MCC: variants seen among roughly 807,000 people sequenced by gnomAD.
MCC encodes MCC regulator of Wnt signaling pathway.
In MCC, 90 loss-of-function variants were observed where a neutral mutation model predicts 116.2. The observed-to-expected ratio is 0.77, with a 90% CI of 0.65 to 0.92. The LOEUF (loss-of-function observed/expected upper bound fraction) is 0.92. Ranked by LOEUF, MCC falls within the 40% of genes least tolerant of loss-of-function variation. The pLI is 0.00. For missense variants in MCC, 1,516 were observed against 1,312.2 expected (o/e 1.16, Z -2.40); for synonymous variants, 578 against 510.5 (o/e 1.13, Z -1.78).
chr5:113,404,990 T>C (rs1580337542), intron 1 of MCC, among the ~76,000 whole-genome samples: 1 of 152,206 alleles, frequency 6.6e-6, no homozygotes, highest in Non-Finnish European at 1.5e-5. Flanking sequence ...AGGACAGAGA[T>C]GGGACAGAAG....
intron 2 of MCC, among the ~76,000 whole-genome samples, chr5:113,367,054 A>G (rs191733675): frequency 2.8e-4 from 43 of 151,534 alleles, no homozygotes; most frequent in African/African-American, 1.0e-3. Context: ...TCACTCCTCA[A>G]CCTCCCAAAG....
At chr5:113,459,460 C>T (rs1187013806) in intron 1 of MCC, among the ~76,000 whole-genome samples, 1 of 151,824 alleles carries the variant, frequency 6.6e-6, no homozygotes, top group African/African-American at 2.4e-5. Flanking sequence ...ATGGCATGAA[C>T]CCAGGAGGTA....
At chr5:113,409,036 A>T (rs1360467537) in intron 1 of MCC, among the ~76,000 whole-genome samples, 1 of 152,220 alleles carries the variant, frequency 6.6e-6, no homozygotes, top group Non-Finnish European at 1.5e-5. Context: ...GCTAAAGAGT[A>T]ATAAATGCCA....
At chr5:113,059,453 T>G (rs1753064775) in intron 14 of MCC, among the ~76,000 whole-genome samples, 1 of 152,238 alleles carries the variant, frequency 6.6e-6, no homozygotes, top group African/African-American at 2.4e-5. Context: ...GGCCTGCTGC[T>G]GGCTGCTGGG....
At chr5:113,261,662 G>T (rs1352554505) in intron 3 of MCC, among the ~76,000 whole-genome samples, 1 of 152,104 alleles carries the variant, frequency 6.6e-6, no homozygotes, top group Non-Finnish European at 1.5e-5. Context: ...TAAGCATTCA[G>T]TTTAACTGAC....
intron 3 of MCC, among the ~76,000 whole-genome samples, chr5:113,165,602 AAG>A (rs1167463596): frequency 6.6e-6 from 1 of 152,134 alleles, no homozygotes; most frequent in African/African-American, 2.4e-5. Flanking sequence ...ACACCCTTGA[AAG>A]AGAAAGCAGC....
chr5:113,308,729 T>C (rs561295020), intron 3 of MCC, among the ~76,000 whole-genome samples: 4 of 151,802 alleles, frequency 2.6e-5, no homozygotes, highest in Non-Finnish European at 4.4e-5. Flanking sequence ...GAGGATTGCT[T>C]GAGTCCAAGG....
chr5:113,323,384 C>T (rs1232166073), intron 3 of MCC: 6 of 152,220 alleles, frequency 3.9e-5, no homozygotes, highest in African/African-American at 1.2e-4. Flanking sequence ...GAGAACACAC[C>T]TACTTAAACA....
intron 3 of MCC, among the ~76,000 whole-genome samples, chr5:113,248,683 G>C (rs139038626): frequency 6.6e-6 from 1 of 152,258 alleles, no homozygotes; most frequent in East Asian, 1.9e-4. Context: ...TCACCAAGAA[G>C]GGTCTTGAAT....
At chr5:113,121,012 T>C (rs879635511) in intron 6 of MCC, among the ~76,000 whole-genome samples, 36 of 152,248 alleles carry the variant, frequency 2.4e-4, no homozygotes, top group Non-Finnish European at 3.1e-4. Flanking sequence ...TGTGCCCTAT[T>C]GGCGAATGGC....
At chr5:113,219,864 T>A in intron 3 of MCC, among the ~76,000 whole-genome samples, 1 of 151,928 alleles carries the variant, frequency 6.6e-6, no homozygotes, top group Admixed American at 6.6e-5. Context: ...CCTATGCCAT[T>A]TTCTACTGTA....
At chr5:113,468,708 G>A (rs1426932131) in intron 1 of MCC, among the ~76,000 whole-genome samples, 1 of 152,196 alleles carries the variant, frequency 6.6e-6, no homozygotes, top group Non-Finnish European at 1.5e-5. Flanking sequence ...AAATGAGTTA[G>A]GGAGGATTCC....
At chr5:113,088,348 C>A (rs1755350786) in intron 8 of MCC, among the ~76,000 whole-genome samples, 1 of 151,858 alleles carries the variant, frequency 6.6e-6, no homozygotes, top group African/African-American at 2.4e-5. Flanking sequence ...CGGAAAGAGG[C>A]AGAAACATAG....
intron 3 of MCC, chr5:113,269,281 C>A: frequency 1.2e-6 from 1 of 863,744 alleles, no homozygotes; most frequent in Non-Finnish European, 1.4e-6. Context: ...CTGCAGGGAA[C>A]CAGAGGCCAA....
At chr5:113,148,845 A>G (rs1040047389) in intron 4 of MCC, among the ~76,000 whole-genome samples, 4 of 152,230 alleles carry the variant, frequency 2.6e-5, no homozygotes, top group African/African-American at 7.2e-5. Flanking sequence ...AAGAGAGTCA[A>G]TAAATGGTTC....
intron 3 of MCC, among the ~76,000 whole-genome samples, chr5:113,244,023 G>A (rs373045655): frequency 1.2e-4 from 18 of 152,178 alleles, no homozygotes; most frequent in African/African-American, 3.9e-4. Context: ...ACAGATGACA[G>A]GATCCATTCT....
intron 3 of MCC, among the ~76,000 whole-genome samples, chr5:113,210,830 A>C (rs577247094): frequency 2.0e-5 from 3 of 152,284 alleles, no homozygotes; most frequent in African/African-American, 7.2e-5. Context: ...GATCGACCCT[A>C]ACCCTACCTT....
At position 113,097,671 on chromosome 5, in the gene MCC, T is replaced by C. The variant is rs373393453; in HGVS notation, c.1398+4068A>G. Among the ~76,000 whole-genome samples the C allele has an allele frequency of 2.7e-4, 41 of 152,294 alleles. 1 individual carries two copies. In the East Asian group the frequency reaches 6.6e-3, roughly 24 times the overall value. On this transcript the variant is annotated intron_variant, in intron 8 of 18. Transcript: ENST00000408903. ...TGGCCAAATGAGGCTAAAAGAGATG[T>C]GAGGGAAAACATAGATGTCTCTTTA...
At chr5:113,281,933 T>C (rs1295106868) in intron 3 of MCC, among the ~76,000 whole-genome samples, 3 of 152,216 alleles carry the variant, frequency 2.0e-5, no homozygotes, top group African/African-American at 7.2e-5. Flanking sequence ...AATAATAATA[T>C]AGCAGCAAGA....
Sources: gnomAD v4.1 joint callset for allele counts (sites outside exome capture counted in the v4.1 genomes callset) on GRCh38, gnomAD v4.1.1 for gene constraint, MANE v1.5 for transcripts, NCBI Gene and HGNC (gene_info 2026-07-23, HGNC 2026-07-21) for gene names.